Variants in ABCA10 observed in about 807,000 individuals in gnomAD.
The protein encoded by ABCA10 is ATP-binding cassette sub-family A member 10.
ABCA10 carries 169 observed loss-of-function variants against 187.5 expected under a neutral mutation model. That is an observed-to-expected ratio of 0.90 (90% confidence interval 0.80 to 1.02). ABCA10 has a LOEUF of 1.02. ABCA10 is among the 50% of genes least tolerant of loss of function. The pLI is 0.00. For synonymous variants in ABCA10, 574 were observed against 601.8 expected, an observed-to-expected ratio of 0.95 and a Z score of 0.68; for missense variants, 1,727 against 1,812.4, an observed-to-expected ratio of 0.95 and a Z score of 0.86.
Position 69,153,325 on chromosome 17 carries a change from G to C in ABCA10, c.4116C>G (p.Pro1372=), listed in dbSNP as rs777109521. 6.2e-7 allele frequency: 1 copy of C among 1,612,566 alleles called. No homozygotes were observed. The highest frequency in any genetic ancestry group is 8.5e-7 in the Non-Finnish European group (1 of 1,179,304). Reference sequence around the variant, plus strand: ...CTTACCACATTTGCTGCTGCCCCTCGGGGTCCATCCCGGTGAACGGCTCAT... The same window carrying C: ...CTTACCACATTTGCTGCTGCCCCTCCGGGTCCATCCCGGTGAACGGCTCAT... ...LLDEPFTGMD[P]EGQQQMWQIL... The change falls in exon 34 of 39, where the codon CCC becomes CCG. Residue 1372 remains proline, a synonymous_variant. Transcript: ENST00000690296.
At position 69,148,319 on chromosome 17, in the gene ABCA10, A is replaced by T. The variant is rs1420627173; in HGVS notation, c.*508T>A. The T allele has an allele frequency of 1.3e-5, 2 of 153,068 alleles. No individual in the cohort carries two copies. The highest frequency in any genetic ancestry group is 6.5e-5 in the Admixed American group (1 of 15,366). 9.5% of individuals were successfully genotyped at this position (153,068 alleles called of 1,614,324 possible). On this transcript the variant is annotated 3_prime_UTR_variant, in exon 39 of 39. Transcript: ENST00000690296. ...CTTCCATATAACTTCAATATGTACT[A>T]AAATTCACATGCATTTATTTTATAA...
At chr17:69,240,720 G>C (rs2074898689) in intron 1 of ABCA10, among the ~76,000 whole-genome samples, 1 of 152,174 alleles carries the variant, frequency 6.6e-6, no homozygotes, top group African/African-American at 2.4e-5. Flanking sequence ...CCCTTCCAAA[G>C]TTGTCTTCCT....
chr17:69,230,504 T>C (rs1313559612), upstream of ABCA10, among the ~76,000 whole-genome samples: 1 of 141,260 alleles, frequency 7.1e-6, no homozygotes, highest in Non-Finnish European at 1.5e-5. Flanking sequence ...AGCCTTTACA[T>C]ATTTATAATT....
chr17:69,178,763 G>T (rs181246445), intron 22 of ABCA10, among the ~76,000 whole-genome samples: 1 of 152,058 alleles, frequency 6.6e-6, no homozygotes, highest in East Asian at 1.9e-4. Flanking sequence ...ATGAGTAAAA[G>T]AATGAATAAT....
At chr17:69,210,166 A>ATTTTTTT (rs1322948427) in intron 9 of ABCA10, among the ~76,000 whole-genome samples, 1 of 56,228 alleles carries the variant, frequency 1.8e-5, no homozygotes, top group African/African-American at 7.0e-5. Flanking sequence ...TTTAGTGGTT[A>ATTTTTTT]TTTCTTTTTT....
intron 25 of ABCA10, among the ~76,000 whole-genome samples, chr17:69,170,314 T>G (rs867325055): frequency 1.3e-5 from 2 of 151,738 alleles, no homozygotes; most frequent in Non-Finnish European, 2.9e-5. Flanking sequence ...TTACGTTACA[T>G]TTTGTAAATC....
intron 1 of ABCA10, among the ~76,000 whole-genome samples, chr17:69,239,682 G>A (rs1233864660): frequency 6.6e-6 from 1 of 152,010 alleles, no homozygotes; most frequent in Non-Finnish European, 1.5e-5. Context: ...GTTTCTAATT[G>A]TTGAGTGCTG....
At chr17:69,159,836 A>G (rs2074201114) in intron 27 of ABCA10, among the ~76,000 whole-genome samples, 1 of 152,200 alleles carries the variant, frequency 6.6e-6, no homozygotes, top group Non-Finnish European at 1.5e-5. Context: ...AAACCCAGAA[A>G]TAAACCCTCC....
In ABCA10 at chr17:69,164,123, T is replaced by C. The variant is rs541238978; in HGVS notation, c.3314A>G (p.Asp1105Gly). The C allele has an allele frequency of 8.2e-6, 13 of 1,589,362 alleles. No homozygotes were observed. The South Asian group carries it at 1.2e-4, about 14-fold the overall frequency. The change falls in exon 27 of 39, where the codon GAC (aspartate) becomes GGC (glycine). Residue 1105 changes from aspartate to glycine, a missense_variant. By Grantham distance (94) the Asp-to-Gly change is moderately conservative (BLOSUM62 -1). Transcript: ENST00000690296. ...LDFMRNLDSL[D>G]NRINEVNKTI... The stretch of plus-strand genomic sequence containing the variant: ...TTTATTGACTTCATTTATTCTATTG[T>C]CCAGACTGTCCAAGTTTCTCATAAA...
chr17:69,214,996 A>G, intron 8 of ABCA10, 145 bp from the exon 9 acceptor site: 1 of 532,676 alleles, frequency 1.9e-6, no homozygotes, highest in Non-Finnish European at 2.9e-6. Context: ...TGCTATTAGT[A>G]TTGTTGCTTT....
intron 28 of ABCA10, 92 bp from the exon 29 acceptor site, chr17:69,156,017 T>A: frequency 7.3e-7 from 1 of 1,368,684 alleles, no homozygotes; most frequent in South Asian, 1.6e-5. Flanking sequence ...ATTATCCTTT[T>A]TAAAAAAGAC....
intron 22 of ABCA10, among the ~76,000 whole-genome samples, chr17:69,178,275 C>G (rs746813801): frequency 2.0e-5 from 3 of 151,968 alleles, no homozygotes; most frequent in Non-Finnish European, 2.9e-5. Flanking sequence ...GAAGTCATGA[C>G]AGCTTTAGAA....
intron 36 of ABCA10, among the ~76,000 whole-genome samples, chr17:69,150,893 G>A (rs528603176): frequency 6.6e-6 from 1 of 152,100 alleles, no homozygotes; most frequent in African/African-American, 2.4e-5. Flanking sequence ...GTCTTTGTTG[G>A]TATGGTTGTG....
intron 25 of ABCA10, among the ~76,000 whole-genome samples, chr17:69,166,963 T>G (rs1462943776): frequency 1.3e-5 from 2 of 152,160 alleles, no homozygotes; most frequent in Non-Finnish European, 2.9e-5. Flanking sequence ...AGTACTGCCA[T>G]TATCTATAAA....
Position 69,197,028 on chromosome 17 carries a change from GGGAGA to G in ABCA10, c.1234+31_1234+35del, listed in dbSNP as rs745445045. 167 of 1,481,002 alleles carry G rather than the reference GGGAGA, an allele frequency of 1.1e-4. No individual in the cohort carries two copies. In the Middle Eastern group the frequency reaches 2.6e-3, roughly 23 times the overall value. The allele number at this position is 1,481,002 out of a possible 1,614,324, so 91.7% of individuals were successfully genotyped here. A position where few individuals can be genotyped will look rare whatever the true frequency, so the allele number is the denominator to read the frequency against. ...GGACAGAGGGAGGGGGAGGGGGAGAGGGAGAGGGAGAGGGAGAGGGAGTTTTTCTT... is the reference window on the plus strand; with the variant it reads ...GGACAGAGGGAGGGGGAGGGGGAGAGGGGAGAGGGAGAGGGAGTTTTTCTT... On this transcript the variant is annotated intron_variant, in intron 11 of 38. Coordinates refer to ENST00000690296, the MANE Select transcript of ABCA10 (RefSeq NM_001377321.1).
intron 9 of ABCA10, among the ~76,000 whole-genome samples, chr17:69,214,196 C>T (rs1400270953): frequency 6.6e-6 from 1 of 152,200 alleles, no homozygotes; most frequent in Non-Finnish European, 1.5e-5. Flanking sequence ...AAATACAGTT[C>T]TTTTTAATTA....
upstream of ABCA10, among the ~76,000 whole-genome samples, chr17:69,230,905 A>G: frequency 6.6e-6 from 1 of 151,922 alleles, no homozygotes; most frequent in East Asian, 1.9e-4. Context: ...ATCTTTCTTT[A>G]CATATGACTG....
intron 9 of ABCA10, 125 bp from the exon 10 acceptor site, chr17:69,201,793 A>T (rs1029674045): frequency 1.8e-5 from 14 of 760,836 alleles, no homozygotes; most frequent in Non-Finnish European, 2.0e-5. Flanking sequence ...TATATTTATA[A>T]TTTTTTTTTT....
chr17:69,160,168 C>T (rs1183518960), intron 27 of ABCA10, among the ~76,000 whole-genome samples: 3 of 152,108 alleles, frequency 2.0e-5, no homozygotes, highest in Admixed American at 6.6e-5. Context: ...CATCAAAGGA[C>T]ACAACTGACA....
Sources: gnomAD v4.1 joint callset for allele counts (sites outside exome capture counted in the v4.1 genomes callset) on GRCh38, gnomAD v4.1.1 for gene constraint, MANE v1.5 for transcripts, NCBI Gene and HGNC (gene_info 2026-07-23, HGNC 2026-07-21) for gene names.